RIN3: variants seen among roughly 807,000 people sequenced by gnomAD.
The protein encoded by RIN3 is Ras and Rab interactor 3, also known as RAB5 interacting protein 3.
A neutral mutation model predicts 76.3 loss-of-function variants in RIN3; 54 were observed. That is an observed-to-expected ratio of 0.71 (90% CI 0.57 to 0.89). RIN3 has a LOEUF of 0.89. RIN3 is among the 40% of genes least tolerant of loss of function. The pLI, the probability that RIN3 is intolerant of heterozygous loss-of-function variation, is 0.00. For synonymous variants in RIN3, 576 were observed against 564.0 expected, an observed-to-expected ratio of 1.02 and a Z score of -0.30; for missense variants, 1,256 against 1,322.1, an observed-to-expected ratio of 0.95 and a Z score of 0.78.
At chr14:92,518,152 C>T (rs74075418) in intron 1 of RIN3, among the ~76,000 whole-genome samples, 4,412 of 152,276 alleles carry the variant, frequency 0.029, 183 homozygotes, top group African/African-American at 0.099. Context: ...TTTGAATATT[C>T]ATAGCCTTTT....
intron 1 of RIN3, among the ~76,000 whole-genome samples, chr14:92,534,198 T>C (rs1896943517): frequency 6.7e-6 from 1 of 150,266 alleles, no homozygotes. Flanking sequence ...GGTATGAGAC[T>C]GATGTTCCCC....
At chr14:92,663,267 A>G (rs778981050) in intron 7 of RIN3, among the ~76,000 whole-genome samples, 3 of 152,256 alleles carry the variant, frequency 2.0e-5, no homozygotes, top group Non-Finnish European at 2.9e-5. Flanking sequence ...TTTGCTAACA[A>G]TGAATTCGCT....
intron 1 of RIN3, among the ~76,000 whole-genome samples, chr14:92,532,487 G>A (rs1332508435): frequency 6.6e-6 from 1 of 152,186 alleles, no homozygotes; most frequent in Non-Finnish European, 1.5e-5. Context: ...TGAAAGGCCA[G>A]CCTCAGAGTG....
chr14:92,621,480 A>G (rs1595461875), intron 4 of RIN3, among the ~76,000 whole-genome samples: 1 of 152,296 alleles, frequency 6.6e-6, no homozygotes, highest in East Asian at 1.9e-4. Context: ...AGTCAAATAC[A>G]ATTAAGGAAT....
At chr14:92,523,236 G>A (rs577465403) in intron 1 of RIN3, among the ~76,000 whole-genome samples, 2 of 152,140 alleles carry the variant, frequency 1.3e-5, no homozygotes, top group East Asian at 1.9e-4. Flanking sequence ...TCAGCCTTCC[G>A]AGTAGCTGGG....
chr14:92,579,223 C>G (rs940043172), intron 3 of RIN3, among the ~76,000 whole-genome samples: 1 of 152,190 alleles, frequency 6.6e-6, no homozygotes, highest in African/African-American at 2.4e-5. Flanking sequence ...CCACCGTGCC[C>G]GGCCCTGAGC....
intron 1 of RIN3, among the ~76,000 whole-genome samples, chr14:92,534,825 A>G (rs749791905): frequency 3.3e-5 from 5 of 152,012 alleles, no homozygotes; most frequent in Non-Finnish European, 7.4e-5. Flanking sequence ...CTGGGTGTCT[A>G]TTCTCCCATT....
intron 1 of RIN3, among the ~76,000 whole-genome samples, chr14:92,542,906 T>A (rs1312590568): frequency 6.6e-6 from 1 of 152,022 alleles, no homozygotes; most frequent in Admixed American, 6.6e-5. Flanking sequence ...GACAGAAAGA[T>A]GAGTGGTTGC....
At chr14:92,683,630 A>G (rs746218446) in intron 8 of RIN3, among the ~76,000 whole-genome samples, 2 of 152,142 alleles carry the variant, frequency 1.3e-5, no homozygotes, top group Non-Finnish European at 2.9e-5. Flanking sequence ...TCAAACCAAC[A>G]TGGGCAACAT....
At chr14:92,620,730 A>G (rs1330181353) in intron 4 of RIN3, among the ~76,000 whole-genome samples, 2 of 152,088 alleles carry the variant, frequency 1.3e-5, no homozygotes, top group African/African-American at 2.4e-5. Flanking sequence ...TTCCTACTCA[A>G]TTTACCCTGG....
intron 1 of RIN3, among the ~76,000 whole-genome samples, chr14:92,523,895 A>C (rs1896660404): frequency 6.6e-6 from 1 of 152,156 alleles, no homozygotes; most frequent in Admixed American, 6.5e-5. Flanking sequence ...CCACACCAGC[A>C]CAAGAAAGGC....
intron 7 of RIN3, among the ~76,000 whole-genome samples, chr14:92,671,959 G>C (rs1888301436): frequency 6.6e-6 from 1 of 152,224 alleles, no homozygotes; most frequent in Non-Finnish European, 1.5e-5. Flanking sequence ...CTGGACAAAA[G>C]TGACTGGAGG....
chr14:92,647,970 T>C (rs550108342), intron 5 of RIN3, among the ~76,000 whole-genome samples: 8 of 152,260 alleles, frequency 5.3e-5, no homozygotes, highest in Non-Finnish European at 1.0e-4. Flanking sequence ...CTCAGTATGG[T>C]GCCTTTGGGG....
chr14:92,660,355 G>A lies in RIN3; in HGVS notation c.2335+886G>A, dbSNP rs532502725. On this transcript the variant is annotated intron_variant, in intron 7 of 9. Transcript: ENST00000216487. ...GGTTGGCTGTTGGCTGCTCTGGGAC[G>A]GCCTTGCCCACATGCTGGGTGGTTG... Among the ~76,000 whole-genome samples, 4 of 152,246 alleles carry A rather than the reference G, an allele frequency of 2.6e-5. No individual in the cohort carries two copies. In the South Asian group the frequency reaches 8.3e-4, roughly 32 times the overall value.
chr14:92,555,568 C>T (rs1378317941), intron 1 of RIN3, among the ~76,000 whole-genome samples, 183 bp from the exon 2 acceptor site: 2 of 152,014 alleles, frequency 1.3e-5, no homozygotes, highest in African/African-American at 2.4e-5. Context: ...GGTGGGCTGA[C>T]GTGTGTTTCC....
chr14:92,671,207 G>A (rs1379180084), intron 7 of RIN3, among the ~76,000 whole-genome samples: 1 of 152,198 alleles, frequency 6.6e-6, no homozygotes, highest in Non-Finnish European at 1.5e-5. Context: ...GAAGAAGGGG[G>A]CAGGCTCTGA....
intron 3 of RIN3, among the ~76,000 whole-genome samples, chr14:92,600,727 G>T (rs1325959769): frequency 6.6e-6 from 1 of 152,212 alleles, no homozygotes; most frequent in Admixed American, 6.5e-5. Context: ...AGCACAAACT[G>T]GTTCTCTCTC....
intron 5 of RIN3, among the ~76,000 whole-genome samples, chr14:92,642,063 G>T (rs907672931): frequency 2.0e-4 from 31 of 152,052 alleles, no homozygotes; most frequent in African/African-American, 6.8e-4. Context: ...CTCTTTCAGT[G>T]TGTGTTGGGA....
intron 3 of RIN3, among the ~76,000 whole-genome samples, chr14:92,609,594 G>A (rs189756698): frequency 2.0e-5 from 3 of 152,328 alleles, no homozygotes; most frequent in Admixed American, 2.0e-4. Flanking sequence ...GTGCTGGACG[G>A]CCTGAGGCTC....
Sources: allele counts gnomAD v4.1 joint callset (sites outside exome capture counted in the v4.1 genomes callset), GRCh38; gene constraint gnomAD v4.1.1; transcripts MANE v1.5; gene names NCBI Gene and HGNC (gene_info 2026-07-23, HGNC 2026-07-21).